SPOCK3: variants seen among roughly 807,000 people sequenced by gnomAD.
SPOCK3 encodes the protein testican-3.
SPOCK3 carries 30 observed loss-of-function variants against 56.6 expected under a neutral mutation model. The ratio of observed to expected loss-of-function variants is 0.53; its 90% CI spans 0.40 to 0.72. The LOEUF (loss-of-function observed/expected upper bound fraction) is 0.72. Ranked by LOEUF, SPOCK3 falls within the 30% of genes least tolerant of loss-of-function variation. The pLI, the probability that SPOCK3 is intolerant of heterozygous loss-of-function variation, is 0.00. For synonymous variants in SPOCK3, 196 were observed against 183.3 expected, an observed-to-expected ratio of 1.07 and a Z score of -0.56; for missense variants, 527 against 530.0, an observed-to-expected ratio of 0.99 and a Z score of 0.06.
intron 4 of SPOCK3, among the ~76,000 whole-genome samples, chr4:166,944,441 T>C (rs1741477759): frequency 6.6e-6 from 1 of 152,190 alleles, no homozygotes; most frequent in South Asian, 2.1e-4. Context: ...TCCTTTTTAG[T>C]AAATGAATGT....
At chr4:167,070,108 T>G (rs1756533402) in intron 2 of SPOCK3, among the ~76,000 whole-genome samples, 2 of 151,932 alleles carry the variant, frequency 1.3e-5, no homozygotes, top group Non-Finnish European at 2.9e-5. Context: ...TAGGTCCTAG[T>G]CTCAAATTCC....
At chr4:166,860,411 G>C (rs1210587008) in intron 6 of SPOCK3, among the ~76,000 whole-genome samples, 2 of 151,912 alleles carry the variant, frequency 1.3e-5, no homozygotes, top group African/African-American at 4.8e-5. Context: ...AAACATGAGG[G>C]ACACAGCTTT....
At chr4:166,979,948 T>C (rs1746390835) in intron 4 of SPOCK3, among the ~76,000 whole-genome samples, 1 of 152,182 alleles carries the variant, frequency 6.6e-6, no homozygotes, top group East Asian at 1.9e-4. Flanking sequence ...TTCCCTTCAG[T>C]TCCTCAAACA....
intron 2 of SPOCK3, among the ~76,000 whole-genome samples, chr4:167,093,185 ACCAT>A (rs1016723491): frequency 1.3e-5 from 2 of 152,132 alleles, no homozygotes; most frequent in African/African-American, 4.8e-5. Flanking sequence ...GCCATATTGC[ACCAT>A]AATTACATTG....
rs567279436 is a variant in SPOCK3 at position 166,856,921 on chromosome 4, C to A, written c.589+32209G>T. ...CAATAAAAATTGACTGAATTGAAAT[C>A]ATATGTACACTAAAGCAGTATTTTT... On this transcript the variant is annotated intron_variant, in intron 6 of 10. Transcript: ENST00000357545. Among the ~76,000 whole-genome samples, 271 of 152,084 alleles carry A rather than the reference C, an allele frequency of 1.8e-3. 2 individuals are homozygous for A. Among genetic ancestry groups the A allele is most frequent in the African/African-American group, 6.1e-3 (253 of 41,484 alleles).
chr4:166,964,525 C>T (rs907785497), intron 4 of SPOCK3, among the ~76,000 whole-genome samples: 1 of 151,730 alleles, frequency 6.6e-6, no homozygotes, highest in Non-Finnish European at 1.5e-5. Context: ...GTAATGTTCT[C>T]ATCACATATT....
At position 167,151,714 on chromosome 4, in the gene SPOCK3, C is replaced by T. The variant is rs564841008; in HGVS notation, c.189+82271G>A. Among the ~76,000 whole-genome samples, 30 of 152,214 alleles carry T rather than the reference C, an allele frequency of 2.0e-4. No homozygotes were observed. The East Asian group carries it at 4.3e-3, about 22-fold the overall frequency. ...CCTCCCATAGTGCTGGGATTACAGGCGTGAGCCACCACGCCCAGCCTCACT... is the reference window on the plus strand; with the variant it reads ...CCTCCCATAGTGCTGGGATTACAGGTGTGAGCCACCACGCCCAGCCTCACT... On this transcript the variant is annotated intron_variant, in intron 2 of 10. Transcript: ENST00000357545.
chr4:166,977,735 A>T (rs540401870), intron 4 of SPOCK3, among the ~76,000 whole-genome samples: 1 of 152,282 alleles, frequency 6.6e-6, no homozygotes, highest in South Asian at 2.1e-4. Flanking sequence ...TGATTGTTCC[A>T]TTGATAGTGA....
intron 2 of SPOCK3, among the ~76,000 whole-genome samples, chr4:167,168,336 TG>T (rs1730187596): frequency 6.6e-6 from 1 of 152,104 alleles, no homozygotes; most frequent in Non-Finnish European, 1.5e-5. Context: ...TAGGAAAGTT[TG>T]GAACTTCCTA....
At chr4:166,840,845 C>A (rs565276357) in intron 6 of SPOCK3, among the ~76,000 whole-genome samples, 1 of 134,720 alleles carries the variant, frequency 7.4e-6, no homozygotes, top group Non-Finnish European at 1.5e-5. Context: ...GTGGCGCAAT[C>A]TCGGGTCACT....
At chr4:167,151,690 C>T (rs111603383) in intron 2 of SPOCK3, among the ~76,000 whole-genome samples, 111 of 152,262 alleles carry the variant, frequency 7.3e-4, no homozygotes, top group African/African-American at 2.4e-3. Flanking sequence ...CCGTCTCGGC[C>T]TCCCATAGTG....
At chr4:166,805,085 C>T (rs1341275861) in intron 6 of SPOCK3, among the ~76,000 whole-genome samples, 2 of 151,886 alleles carry the variant, frequency 1.3e-5, no homozygotes, top group African/African-American at 4.8e-5. Context: ...CAATAATATT[C>T]TATGGATATG....
At chr4:166,941,356 G>A (rs1219185090) in intron 4 of SPOCK3, among the ~76,000 whole-genome samples, 2 of 152,158 alleles carry the variant, frequency 1.3e-5, no homozygotes, top group Admixed American at 1.3e-4. Flanking sequence ...TATTAACTCC[G>A]GGATGAAACA....
intron 2 of SPOCK3, among the ~76,000 whole-genome samples, chr4:167,176,892 C>G (rs1731032585): frequency 6.6e-6 from 1 of 152,112 alleles, no homozygotes; most frequent in African/African-American, 2.4e-5. Context: ...AAAAGCACAG[C>G]ATGAGATCAC....
At chr4:166,873,611 A>G (rs187474204) in intron 6 of SPOCK3, among the ~76,000 whole-genome samples, 2 of 152,296 alleles carry the variant, frequency 1.3e-5, no homozygotes, top group African/African-American at 4.8e-5. Context: ...TTTCATTTCA[A>G]ATACTTATAG....
At chr4:166,919,472 C>T (rs960331228) in intron 4 of SPOCK3, among the ~76,000 whole-genome samples, 2 of 152,220 alleles carry the variant, frequency 1.3e-5, no homozygotes, top group Non-Finnish European at 2.9e-5. Context: ...ATAGGCATCA[C>T]GACAAATGAC....
chr4:166,925,181 T>C (rs1224806801), intron 4 of SPOCK3, among the ~76,000 whole-genome samples: 1 of 152,180 alleles, frequency 6.6e-6, no homozygotes, highest in African/African-American at 2.4e-5. Flanking sequence ...ATAAAACATT[T>C]GTATGAACAA....
At chr4:167,230,005 C>T (rs1038833734) in intron 2 of SPOCK3, among the ~76,000 whole-genome samples, 1 of 151,944 alleles carries the variant, frequency 6.6e-6, no homozygotes, top group African/African-American at 2.4e-5. Flanking sequence ...TTAAAGGGTA[C>T]AATCCTGTTT....
At chr4:166,751,808 G>C (rs1736405541) in intron 8 of SPOCK3, among the ~76,000 whole-genome samples, 2 of 151,972 alleles carry the variant, frequency 1.3e-5, no homozygotes, top group South Asian at 4.1e-4. Context: ...TAACACGTAA[G>C]GTAGCTAAAA....
Sources: gnomAD v4.1 joint callset for allele counts (sites outside exome capture counted in the v4.1 genomes callset) on GRCh38, gnomAD v4.1.1 for gene constraint, MANE v1.5 for transcripts, NCBI Gene and HGNC (gene_info 2026-07-23, HGNC 2026-07-21) for gene names.